TOLLIP: variants seen among roughly 807,000 people sequenced by gnomAD.
TOLLIP encodes toll-interacting protein.
Under a neutral mutation model 33.5 loss-of-function variants are expected in TOLLIP, and 16 were observed. The ratio of observed to expected loss-of-function variants is 0.48; its 90% CI spans 0.32 to 0.72. The LOEUF is 0.72. TOLLIP is among the 30% of genes least tolerant of loss of function. The probability of loss-of-function intolerance (pLI) is 0.03; values close to 1 mark genes in which losing one functional copy is unlikely to be tolerated. For missense variants in TOLLIP, 325 were observed against 396.6 expected, an observed-to-expected ratio of 0.82 and a Z score of 1.53; for synonymous variants, 176 against 163.7, an observed-to-expected ratio of 1.07 and a Z score of -0.57.
Position 1,303,897 on chromosome 11 carries a change from G to A in TOLLIP, c.33+5569C>T, listed in dbSNP as rs953000033. 1.3e-5 allele frequency among the ~76,000 whole-genome samples: 2 copies of A among 152,262 alleles called. No homozygotes were observed. The highest frequency in any genetic ancestry group is 1.9e-4 in the East Asian group (1 of 5,170). On this transcript the variant is annotated intron_variant, in intron 1 of 5. Coordinates refer to ENST00000317204, the MANE Select transcript of TOLLIP (RefSeq NM_019009.4). This position sits in a 1 kb window ranked among gnomAD's most constrained non-coding sequence, Gnocchi z 4.2. Reference sequence around the variant, plus strand: ...CTAAAAATACAAAAATTAGCTGGGCGTGGTGGTGGACGCCTGTAATCCCAG... The same window carrying A: ...CTAAAAATACAAAAATTAGCTGGGCATGGTGGTGGACGCCTGTAATCCCAG...
intron 5 of TOLLIP, among the ~76,000 whole-genome samples, chr11:1,284,246 C>T (rs890161667): frequency 2.0e-4 from 31 of 152,306 alleles, no homozygotes; most frequent in Admixed American, 1.3e-3. Context: ...TAACTCTGAA[C>T]GCCTCAAGGC....
In TOLLIP at chr11:1,292,739, G is replaced by A. The variant is rs1264045090; in HGVS notation, c.184-2330C>T. On this transcript the variant is annotated intron_variant, in intron 2 of 5. Transcript: ENST00000317204. ...CGCACGTCAGACAGCAGACACCGTG[G>A]GGACACACGGGCACCGCTGCTTTCC... Among the ~76,000 whole-genome samples, 3 of 152,250 alleles carry A rather than the reference G, an allele frequency of 2.0e-5. No homozygotes were observed. In the East Asian group the frequency reaches 5.8e-4, roughly 29 times the overall value.
intron 5 of TOLLIP, among the ~76,000 whole-genome samples, chr11:1,279,578 G>A (rs768705218): frequency 4.5e-4 from 69 of 152,322 alleles, no homozygotes; most frequent in Non-Finnish European, 7.9e-4. Context: ...AGTGATGGGC[G>A]GCTTTGCTGT....
Position 1,303,390 on chromosome 11 carries a change from C to T in TOLLIP, c.33+6076G>A, listed in dbSNP as rs868820419. ...CCCTGGGCGCCGGGCACAGGGCGCG[C>T]GCTGCGGCAGCCTCTGCGTGTCACT... is the stretch of plus-strand genomic sequence containing the variant. On this transcript the variant is annotated intron_variant, in intron 1 of 5. Transcript: ENST00000317204. This position sits in a 1 kb window ranked among gnomAD's most constrained non-coding sequence, Gnocchi z 4.2. 1.1e-4 allele frequency among the ~76,000 whole-genome samples: 16 copies of T among 152,186 alleles called. No individual in the cohort carries two copies. Among genetic ancestry groups the T allele is most frequent in the Non-Finnish European group, 2.2e-4 (15 of 68,040 alleles).
intron 1 of TOLLIP, among the ~76,000 whole-genome samples, chr11:1,301,390 C>T (rs1446168667): frequency 2.6e-5 from 4 of 152,182 alleles, no homozygotes; most frequent in African/African-American, 7.2e-5. Flanking sequence ...ACGGCATCCG[C>T]AGGCGCCTGC....
In TOLLIP at chr11:1,278,230, C is replaced by T. The variant is rs1458059434; in HGVS notation, c.611-977G>A. Reference sequence around the variant, plus strand: ...AGGCACAGAGCACAGGCAGCGTGCGCGGGGCTCGGCGACCAGCGAGGCACA... The same window carrying T: ...AGGCACAGAGCACAGGCAGCGTGCGTGGGGCTCGGCGACCAGCGAGGCACA... On this transcript the variant is annotated intron_variant, in intron 5 of 5. Coordinates refer to ENST00000317204, the MANE Select transcript of TOLLIP (RefSeq NM_019009.4). This position sits in a 1 kb window ranked among gnomAD's most constrained non-coding sequence, Gnocchi z 4.7. Among the ~76,000 whole-genome samples, 2 of 152,052 alleles carry T rather than the reference C, an allele frequency of 1.3e-5. No individual in the cohort carries two copies. The highest frequency in any genetic ancestry group is 6.6e-5 in the Admixed American group (1 of 15,264).
chr11:1,306,494 C>T (rs1208548712), intron 1 of TOLLIP, among the ~76,000 whole-genome samples: 3 of 152,108 alleles, frequency 2.0e-5, no homozygotes, highest in Non-Finnish European at 4.4e-5. Context: ...GAAAGCTGAG[C>T]GAGCGCCCTG....
chr11:1,279,448 C>G (rs1476412281), intron 5 of TOLLIP, among the ~76,000 whole-genome samples: 1 of 152,224 alleles, frequency 6.6e-6, no homozygotes, highest in African/African-American at 2.4e-5. Context: ...CTGGGGACTT[C>G]AGGAGGACAG....
chr11:1,281,543 C>T (rs949371966), intron 5 of TOLLIP, among the ~76,000 whole-genome samples: 6 of 152,280 alleles, frequency 3.9e-5, no homozygotes, highest in African/African-American at 1.2e-4. Context: ...GCACCCTGTG[C>T]GGGGGTCTCT....
intron 5 of TOLLIP, chr11:1,283,655 C>T: frequency 2.3e-6 from 1 of 444,134 alleles, no homozygotes. Flanking sequence ...CGTTTTAGAG[C>T]AAACTTGAAA....
intron 5 of TOLLIP, chr11:1,283,350 C>T: frequency 2.9e-6 from 1 of 347,126 alleles, no homozygotes; most frequent in Non-Finnish European, 5.6e-6. Context: ...GTGACCCCGG[C>T]CTGGATGCTG....
At position 1,276,525 on chromosome 11, in the gene TOLLIP, A is replaced by G; in HGVS notation, c.*514T>C. On this transcript the variant is annotated 3_prime_UTR_variant, in exon 6 of 6. Coordinates refer to ENST00000317204, the MANE Select transcript of TOLLIP (RefSeq NM_019009.4). Reference sequence around the variant, plus strand: ...GGAAGCTGCTCAGCTCACCAGACCCAAGCCCTGGGCAGGGGCCAGGCTCAC... The same window carrying G: ...GGAAGCTGCTCAGCTCACCAGACCCGAGCCCTGGGCAGGGGCCAGGCTCAC... 4 of 534,464 alleles carry G rather than the reference A, an allele frequency of 7.5e-6. No homozygotes were observed. The highest frequency in any genetic ancestry group is 4.5e-4 in the Middle Eastern group (1 of 2,210). The allele number at this position is 534,464 out of a possible 1,614,324, so 33.1% of individuals were successfully genotyped here. A position where few individuals can be genotyped will look rare whatever the true frequency, so the allele number is the denominator to read the frequency against.
At chr11:1,291,552 A>C (rs1863944759) in intron 2 of TOLLIP, among the ~76,000 whole-genome samples, 3 of 38,484 alleles carry the variant, frequency 7.8e-5, no homozygotes, top group South Asian at 9.4e-4. Flanking sequence ...CGGCCACCCC[A>C]TCCTCACTGA....
chr11:1,283,852 C>G (rs1427030949), intron 5 of TOLLIP, among the ~76,000 whole-genome samples: 2 of 152,202 alleles, frequency 1.3e-5, no homozygotes, highest in Non-Finnish European at 2.9e-5. Context: ...GAGGATCCTC[C>G]TCACAGCCTT....
chr11:1,304,225 AAGT>A (rs973288767), intron 1 of TOLLIP, among the ~76,000 whole-genome samples: 1 of 152,094 alleles, frequency 6.6e-6, no homozygotes, highest in African/African-American at 2.4e-5. Flanking sequence ...CACTGAGGAC[AAGT>A]GACCGTCCAC....
At chr11:1,285,014 C>G (rs1167097662) in intron 5 of TOLLIP, among the ~76,000 whole-genome samples, 1 of 152,166 alleles carries the variant, frequency 6.6e-6, no homozygotes, top group Non-Finnish European at 1.5e-5. Flanking sequence ...CCTCTCCACT[C>G]CAGCTGGGCT....
At chr11:1,307,614 C>T (rs1043888331) in intron 1 of TOLLIP, among the ~76,000 whole-genome samples, 1 of 152,222 alleles carries the variant, frequency 6.6e-6, no homozygotes, top group Non-Finnish European at 1.5e-5. Context: ...GGCCACCATG[C>T]CCCCCTGCTC....
At position 1,277,051 on chromosome 11, in the gene TOLLIP, C is replaced by T. The variant is rs1863331861; in HGVS notation, c.813G>A (p.Gly271=). 3 of 1,613,738 alleles carry T rather than the reference C, an allele frequency of 1.9e-6. No individual in the cohort carries two copies. Among genetic ancestry groups the T allele is most frequent in the African/African-American group, 1.3e-5 (1 of 74,950 alleles). ...DAAINSLLQM[G]EEP is the part of the protein sequence containing the mutation. The stretch of plus-strand genomic sequence containing the variant: ...CGAGGCAGAGGCTCTATGGCTCCTC[C>T]CCCATCTGCAGCAGGGAGTTGATGG... Residue 271 remains glycine, a synonymous_variant, in exon 6 of 6, where the codon GGG becomes GGA. Transcript: ENST00000317204. This position sits in a 1 kb window ranked among gnomAD's most constrained non-coding sequence, Gnocchi z 4.2.
At chr11:1,279,310 T>TGTGCCTCCTCCTGCAG (rs1347261656) in intron 5 of TOLLIP, among the ~76,000 whole-genome samples, 16 of 152,236 alleles carry the variant, frequency 1.1e-4, no homozygotes, top group Admixed American at 1.0e-3. Flanking sequence ...GGCAGTGGCC[T>TGTGCCTCCTCCTGCAG]GGCTCACTCC....
Sources: gnomAD v4.1 joint callset for allele counts (sites outside exome capture counted in the v4.1 genomes callset) on GRCh38, gnomAD v4.1.1 for gene constraint, Gnocchi (gnomAD v3.1) non-coding constraint, MANE v1.5 for transcripts, NCBI Gene and HGNC (gene_info 2026-07-23, HGNC 2026-07-21) for gene names.